Variants in ZBTB24 observed in about 807,000 individuals in gnomAD.
ZBTB24 encodes zinc finger and BTB domain containing 24, also known as zinc finger and BTB domain-containing protein 24.
ZBTB24 carries 32 observed loss-of-function variants against 53.8 expected under a neutral mutation model. That is an observed-to-expected ratio of 0.60 (90% confidence interval 0.45 to 0.80). The LOEUF (loss-of-function observed/expected upper bound fraction) is 0.80. ZBTB24 is among the 30% of genes least tolerant of loss of function. The pLI, the probability that ZBTB24 is intolerant of heterozygous loss-of-function variation, is 0.00. For synonymous variants in ZBTB24, 297 were observed against 306.7 expected (o/e 0.97, Z 0.33); for missense variants, 722 against 837.1 (o/e 0.86, Z 1.70).
At chr6:109,472,133 A>G (rs902702268) in intron 5 of ZBTB24, among the ~76,000 whole-genome samples, 1 of 152,062 alleles carries the variant, frequency 6.6e-6, no homozygotes, top group Non-Finnish European at 1.5e-5. Context: ...TGGCCCTGAG[A>G]GTAGGACTGG....
Position 109,481,822 on chromosome 6 carries a change from C to T in ZBTB24, c.205G>A (p.Glu69Lys). The T allele has an allele frequency of 1.2e-6, 2 of 1,614,222 alleles. No homozygotes were observed. The highest frequency in any genetic ancestry group is 1.1e-5 in the South Asian group (1 of 91,092). ...TAAATGGATTGGCCGATTTCCCCCTCTTCTGCAAACATCATTGAGAAGTAT... is the reference window on the plus strand; with the variant it reads ...TAAATGGATTGGCCGATTTCCCCCTTTTCTGCAAACATCATTGAGAAGTAT... ...SEYFSMMFAE[E>K]GEIGQSIYML... Residue 69 changes from glutamate to lysine, a missense_variant, in exon 2 of 7, where the codon GAG becomes AAG. Physicochemically the swap from Glu to Lys is moderately conservative, Grantham distance 56 (BLOSUM62 1). Transcript: ENST00000230122.
In ZBTB24 at chr6:109,465,828, A is replaced by C; in HGVS notation, c.*23T>G. 6.2e-7 allele frequency: 1 copy of C among 1,614,180 alleles called. No homozygotes were observed. Among genetic ancestry groups the C allele is most frequent in the South Asian group, 1.1e-5 (1 of 91,086 alleles). The stretch of plus-strand genomic sequence containing the variant: ...GCTGGCTTATAAGAAGAGCCCAATC[A>C]AGCAGTCAAACGTGTTTACAGGTCA... On this transcript the variant is annotated 3_prime_UTR_variant, in exon 7 of 7. Coordinates refer to ENST00000230122, the MANE Select transcript of ZBTB24 (RefSeq NM_014797.3).
In ZBTB24 at chr6:109,481,957, GCA is replaced by G; in HGVS notation, c.68_69del (p.Val23AlafsTer5). 6.2e-7 allele frequency: 1 copy of G among 1,614,192 alleles called. No individual in the cohort carries two copies. The highest frequency in any genetic ancestry group is 1.1e-5 in the South Asian group (1 of 91,078). The stretch of plus-strand genomic sequence containing the variant: ...TTCCTCTGATCCTCAAAACTGGCCA[GCA>G]CAGTGTCACTGTGAGCGTCTGAGTG... Reference protein sequence around the residue: ...VVHSDAHSDTVLASFEDQRKK... With the variant: ...VVHSDAHSDTXLASFEDQRKK... On this transcript the variant is annotated frameshift_variant, in exon 2 of 7. Coordinates refer to ENST00000230122, the MANE Select transcript of ZBTB24 (RefSeq NM_014797.3). LOFTEE classifies it high-confidence loss of function.
chr6:109,473,432 G>A (rs906890206), intron 5 of ZBTB24, among the ~76,000 whole-genome samples: 6 of 152,186 alleles, frequency 3.9e-5, no homozygotes, highest in Non-Finnish European at 4.4e-5. Flanking sequence ...TTCAATGGCC[G>A]GCTGGCTCAC....
chr6:109,481,426 TA>T lies in ZBTB24; in HGVS notation c.600del (p.Gly202GlufsTer6), dbSNP rs1172378829. Reference protein sequence around the residue: ...NSVQNRQNFVVKGDSGVLNEQ... With the variant: ...NSVQNRQNFVXKGDSGVLNEQ... Reference sequence around the variant, plus strand: ...TCATTCAGTACACCACTGTCTCCTTTAACCACAAAGTTTTGTCTATTCTGAA... The same window carrying T: ...TCATTCAGTACACCACTGTCTCCTTTACCACAAAGTTTTGTCTATTCTGAA... On this transcript the variant is annotated frameshift_variant, in exon 2 of 7. Transcript: ENST00000230122. LOFTEE classifies it high-confidence loss of function. The T allele has an allele frequency of 6.2e-7, 1 of 1,614,236 alleles. No individual in the cohort carries two copies. The highest frequency in any genetic ancestry group is 1.7e-5 in the Admixed American group (1 of 60,032).
intron 5 of ZBTB24, among the ~76,000 whole-genome samples, chr6:109,471,068 G>A (rs1335017027): frequency 6.6e-6 from 1 of 152,222 alleles, no homozygotes; most frequent in East Asian, 1.9e-4. Flanking sequence ...TGCAGTTTAT[G>A]TTTTGGTAAG....
In ZBTB24 at chr6:109,482,261, C is replaced by A. The variant is rs1470179357; in HGVS notation, c.-28-207G>T. ...TTGGGAGGCCGAGGCCGACGGATCA[C>A]TTGAGACCAGCCTGGGCAACATGGA... On this transcript the variant is annotated intron_variant, in intron 1 of 6. Transcript: ENST00000230122. Among the ~76,000 whole-genome samples the A allele has an allele frequency of 2.0e-5, 3 of 152,148 alleles. 1 individual carries two copies. Among genetic ancestry groups the A allele is most frequent in the Middle Eastern group, 6.3e-3 (2 of 316 alleles).
At position 109,481,404 on chromosome 6, in the gene ZBTB24, T is replaced by C. The variant is rs1776410010; in HGVS notation, c.623A>G (p.Asn208Ser). Residue 208 changes from asparagine to serine, a missense_variant, in exon 2 of 7, where the codon AAT becomes AGT. Asn to Ser is a conservative substitution (Grantham distance 46, BLOSUM62 1). Coordinates refer to ENST00000230122, the MANE Select transcript of ZBTB24 (RefSeq NM_014797.3). Reference protein sequence around the residue: ...FVVKGDSGVLNEQIAAKEKEE... With the variant: ...FVVKGDSGVLSEQIAAKEKEE... Reference sequence around the variant, plus strand: ...CTTTTCTTTTGCTGCAATTTGCTCATTCAGTACACCACTGTCTCCTTTAAC... The same window carrying C: ...CTTTTCTTTTGCTGCAATTTGCTCACTCAGTACACCACTGTCTCCTTTAAC... 6.2e-7 allele frequency: 1 copy of C among 1,614,248 alleles called. No individual in the cohort carries two copies. The highest frequency in any genetic ancestry group is 8.5e-7 in the Non-Finnish European group (1 of 1,180,044).
intron 2 of ZBTB24, among the ~76,000 whole-genome samples, chr6:109,479,084 G>C (rs1349494133): frequency 6.6e-6 from 1 of 152,120 alleles, no homozygotes; most frequent in African/African-American, 2.4e-5. Context: ...AAGTTAGAGA[G>C]AACAGAGAAA....
rs894114608 is a variant in ZBTB24 at position 109,465,763 on chromosome 6, T to G, written c.*88A>C. The G allele has an allele frequency of 6.2e-7, 1 of 1,613,170 alleles. No homozygotes were observed. Among genetic ancestry groups the G allele is most frequent in the East Asian group, 2.2e-5 (1 of 44,874 alleles). ...CACAGAAGCATCTGCAAGTCAATGGTGTGGAGAGCCTGATTTCAAGCGTTC... is the reference window on the plus strand; with the variant it reads ...CACAGAAGCATCTGCAAGTCAATGGGGTGGAGAGCCTGATTTCAAGCGTTC... On this transcript the variant is annotated 3_prime_UTR_variant, in exon 7 of 7. Transcript: ENST00000230122.
chr6:109,478,475 C>T (rs111371383), intron 2 of ZBTB24, among the ~76,000 whole-genome samples: 4 of 152,030 alleles, frequency 2.6e-5, no homozygotes, highest in East Asian at 1.9e-4. Context: ...TATTGGGCCA[C>T]GAGAAATAGC....
At position 109,483,125 on chromosome 6, in the gene ZBTB24, G is replaced by T. The variant is rs1345561010; in HGVS notation, c.-56C>A. Reference sequence around the variant, plus strand: ...GGCGGCCTGGCGGGAGACCCACGCCGGGGCCCGCTGGCCCTCCGCTCCGCC... The same window carrying T: ...GGCGGCCTGGCGGGAGACCCACGCCTGGGCCCGCTGGCCCTCCGCTCCGCC... On this transcript the variant is annotated 5_prime_UTR_variant, in exon 1 of 7. Coordinates refer to ENST00000230122, the MANE Select transcript of ZBTB24 (RefSeq NM_014797.3). 1 of 152,274 alleles carries T rather than the reference G, an allele frequency of 6.6e-6. No homozygotes were observed. The highest frequency in any genetic ancestry group is 2.1e-4 in the South Asian group (1 of 4,828). The allele number at this position is 152,274 out of a possible 1,614,324, so 9.4% of individuals were successfully genotyped here.
chr6:109,479,624 T>C (rs1582681542), intron 2 of ZBTB24, among the ~76,000 whole-genome samples: 1 of 152,278 alleles, frequency 6.6e-6, no homozygotes, highest in Non-Finnish European at 1.5e-5. Context: ...AAATTTTTGA[T>C]AAAAATAGCC....
At chr6:109,467,865 G>A (rs143456270) in intron 5 of ZBTB24, 131 bp from the exon 6 acceptor site, 270 of 1,051,302 alleles carry the variant, frequency 2.6e-4, no homozygotes, top group Non-Finnish European at 3.3e-4. Flanking sequence ...AATCCCCTCC[G>A]TAAGCGTAAA....
At position 109,466,089 on chromosome 6, in the gene ZBTB24, C is replaced by T. The variant is rs772969544; in HGVS notation, c.1856G>A (p.Ser619Asn). The T allele has an allele frequency of 1.9e-5, 30 of 1,614,102 alleles. 1 individual carries two copies. In the South Asian group the frequency reaches 3.1e-4, roughly 17 times the overall value. ...CATCTGGCTTTCAATCATATTGAGG[C>T]TCTGAATGTGTTCTGTTTGCTCCTG... ...AQQEQTEHIQ[S>N]LNMIESQMGP... Residue 619 changes from serine to asparagine, a missense_variant, in exon 7 of 7, where the codon AGC becomes AAC. Ser to Asn is a conservative substitution (Grantham distance 46). Coordinates refer to ENST00000230122, the MANE Select transcript of ZBTB24 (RefSeq NM_014797.3).
In ZBTB24 at chr6:109,476,765, G is replaced by A. The variant is rs1213180923; in HGVS notation, c.1118C>T (p.Ser373Leu). Residue 373 changes from serine to leucine, a missense_variant and splice_region_variant, in exon 3 of 7, where the codon TCA becomes TTA. Coordinates refer to ENST00000230122, the MANE Select transcript of ZBTB24 (RefSeq NM_014797.3). ...HSLLEHMSLH[S>L]GQKSFTCDQC... is the part of the protein sequence containing the mutation. ...GCCCTCTGGGCAAGCCCCACTACCT[G>A]AGTGCAGGCTCATGTGCTCCAGCAG... is the stretch of plus-strand genomic sequence containing the variant. The A allele has an allele frequency of 1.9e-6, 3 of 1,612,996 alleles. No homozygotes were observed.
chr6:109,468,962 C>T (rs1776111564), intron 5 of ZBTB24, among the ~76,000 whole-genome samples: 2 of 149,196 alleles, frequency 1.3e-5, no homozygotes, highest in Non-Finnish European at 3.0e-5. Flanking sequence ...GCAGCAAAAT[C>T]CACTTAACTG....
At chr6:109,472,425 G>A (rs1776186172) in intron 5 of ZBTB24, among the ~76,000 whole-genome samples, 1 of 152,078 alleles carries the variant, frequency 6.6e-6, no homozygotes, top group Non-Finnish European at 1.5e-5. Flanking sequence ...AATTATAGTG[G>A]GGGAGGTCTT....
chr6:109,471,706 A>T (rs147091614), intron 5 of ZBTB24, among the ~76,000 whole-genome samples: 4 of 152,194 alleles, frequency 2.6e-5, no homozygotes, highest in Non-Finnish European at 5.9e-5. Context: ...CTGATCACTA[A>T]CTTGGCTTTC....
Sources: gnomAD v4.1 joint callset for allele counts (sites outside exome capture counted in the v4.1 genomes callset) on GRCh38, gnomAD v4.1.1 for gene constraint, MANE v1.5 for transcripts, NCBI Gene and HGNC (gene_info 2026-07-23, HGNC 2026-07-21) for gene names.